PCED1B: variants seen among roughly 807,000 people sequenced by gnomAD.
PCED1B encodes PC-esterase domain containing 1B, also known as PC-esterase domain-containing protein 1B.
For missense variants in PCED1B, 573 were observed against 573.9 expected (o/e 1.00, Z 0.02); for synonymous variants, 251 against 246.1 (o/e 1.02, Z -0.19).
chr12:47,122,663 C>T (rs1339676330), intron 2 of PCED1B, among the ~76,000 whole-genome samples: 1 of 152,108 alleles, frequency 6.6e-6, no homozygotes, highest in East Asian at 1.9e-4. Context: ...CATTGAGCAT[C>T]TTTTCTGTAG....
At chr12:47,150,437 G>A (rs1940947682) in intron 2 of PCED1B, among the ~76,000 whole-genome samples, 1 of 151,876 alleles carries the variant, frequency 6.6e-6, no homozygotes, top group East Asian at 1.9e-4. Flanking sequence ...AATTAGCTGG[G>A]CACAGTGGTG....
chr12:47,104,672 A>G (rs1041500870), intron 2 of PCED1B, among the ~76,000 whole-genome samples: 10 of 152,210 alleles, frequency 6.6e-5, no homozygotes, highest in African/African-American at 2.2e-4. Context: ...CTAGGGCCTT[A>G]GGGAATTCAA....
intron 2 of PCED1B, among the ~76,000 whole-genome samples, chr12:47,135,313 T>C (rs1940307637): frequency 6.6e-6 from 1 of 152,224 alleles, no homozygotes; most frequent in African/African-American, 2.4e-5. Context: ...TTTTTATTTT[T>C]ATTTTTTTGC....
chr12:47,221,091 T>A (rs866490559), intron 3 of PCED1B, among the ~76,000 whole-genome samples: 5 of 152,230 alleles, frequency 3.3e-5, no homozygotes, highest in African/African-American at 9.6e-5. Flanking sequence ...GATGAAGTTT[T>A]ATGTAAGAAA....
At chr12:47,228,197 G>C (rs948574512) in intron 3 of PCED1B, among the ~76,000 whole-genome samples, 1 of 151,928 alleles carries the variant, frequency 6.6e-6, no homozygotes, top group Non-Finnish European at 1.5e-5. Flanking sequence ...ACTACACCCA[G>C]CTAATTTTTA....
intron 2 of PCED1B, among the ~76,000 whole-genome samples, chr12:47,141,449 T>C (rs1940588506): frequency 6.6e-6 from 1 of 152,126 alleles, no homozygotes; most frequent in South Asian, 2.1e-4. Flanking sequence ...TTGGCTTTGA[T>C]CCTGCCACCA....
intron 3 of PCED1B, among the ~76,000 whole-genome samples, chr12:47,225,211 A>G (rs904990825): frequency 2.0e-5 from 3 of 152,158 alleles, no homozygotes; most frequent in Admixed American, 1.3e-4. Flanking sequence ...GGATTACAGA[A>G]TTAAGCCACT....
At chr12:47,117,878 A>G (rs1939498587) in intron 2 of PCED1B, among the ~76,000 whole-genome samples, 1 of 152,146 alleles carries the variant, frequency 6.6e-6, no homozygotes, top group Non-Finnish European at 1.5e-5. Context: ...TGACTTTTTA[A>G]TGATCACCAT....
chr12:47,086,990 A>C (rs1394196292), intron 1 of PCED1B, among the ~76,000 whole-genome samples: 1 of 152,234 alleles, frequency 6.6e-6, no homozygotes, highest in Non-Finnish European at 1.5e-5. Flanking sequence ...TTAACACTAA[A>C]CAAAATAAAA....
At chr12:47,115,234 G>T (rs138086090) in intron 2 of PCED1B, among the ~76,000 whole-genome samples, 17 of 152,276 alleles carry the variant, frequency 1.1e-4, no homozygotes, top group Admixed American at 3.3e-4. Flanking sequence ...GGGAATTACG[G>T]TGGTAAACAG....
rs567044458 is a variant in PCED1B at position 47,088,104 on chromosome 12, C to G, written c.-609+8379C>G. ...CTAATATGTGCACTGTTTAATTTCA[C>G]AAAGTTGACTGAGATGAAACATGTA... On this transcript the variant is annotated intron_variant, in intron 1 of 3. Transcript: ENST00000546455. Among the ~76,000 whole-genome samples, 81 of 152,298 alleles carry G rather than the reference C, an allele frequency of 5.3e-4. 1 individual carries two copies. The highest frequency in any genetic ancestry group is 1.9e-3 in the African/African-American group (77 of 41,562).
chr12:47,125,588 C>G (rs1054710241), intron 2 of PCED1B, among the ~76,000 whole-genome samples: 22 of 152,044 alleles, frequency 1.4e-4, no homozygotes, highest in African/African-American at 4.3e-4. Context: ...ATCTATACAT[C>G]AATTTGAGGA....
chr12:47,217,967 T>A (rs908994616), intron 3 of PCED1B, among the ~76,000 whole-genome samples: 2 of 152,232 alleles, frequency 1.3e-5, no homozygotes, highest in African/African-American at 2.4e-5. Flanking sequence ...AAATAATTAA[T>A]GTTGCTAAAT....
chr12:47,165,003 T>C (rs867653204), intron 2 of PCED1B, among the ~76,000 whole-genome samples: 1 of 152,210 alleles, frequency 6.6e-6, no homozygotes, highest in Non-Finnish European at 1.5e-5. Flanking sequence ...TTCCTCTGGC[T>C]TCCTCTGGTA....
chr12:47,209,212 T>A (rs17822189), intron 2 of PCED1B: 34,074 of 152,140 alleles, frequency 0.22, 4,591 homozygotes, highest in Non-Finnish European at 0.3. Context: ...CCTTTTCTGA[T>A]ATTCCTCATG....
At chr12:47,132,564 G>A (rs1162443281) in intron 2 of PCED1B, among the ~76,000 whole-genome samples, 1 of 152,176 alleles carries the variant, frequency 6.6e-6, no homozygotes, top group Non-Finnish European at 1.5e-5. Flanking sequence ...TCAGGCTGAG[G>A]AATGGGCTCC....
chr12:47,212,243 C>T (rs1293732985), intron 2 of PCED1B, among the ~76,000 whole-genome samples: 2 of 151,972 alleles, frequency 1.3e-5, no homozygotes, highest in African/African-American at 4.8e-5. Flanking sequence ...CATGCCACTG[C>T]ACTCCAGCAT....
At chr12:47,110,408 A>G (rs775101073) in intron 2 of PCED1B, among the ~76,000 whole-genome samples, 1 of 152,250 alleles carries the variant, frequency 6.6e-6, no homozygotes, top group Admixed American at 6.5e-5. Flanking sequence ...CAATCAATTA[A>G]TTATGAATTG....
At chr12:47,113,888 T>C (rs1012864724) in intron 2 of PCED1B, among the ~76,000 whole-genome samples, 1 of 151,728 alleles carries the variant, frequency 6.6e-6, no homozygotes, top group Non-Finnish European at 1.5e-5. Context: ...CGGGCAGAGT[T>C]TGTAGTGAGA....
Sources: allele counts gnomAD v4.1 joint callset (sites outside exome capture counted in the v4.1 genomes callset), GRCh38; gene constraint gnomAD v4.1.1; transcripts MANE v1.5; gene names NCBI Gene and HGNC (gene_info 2026-07-23, HGNC 2026-07-21).